Variants in MVB12B observed in about 807,000 individuals in gnomAD.
The protein encoded by MVB12B is ESCRT-I complex subunit MVB12B.
A neutral mutation model predicts 41.6 loss-of-function variants in MVB12B; 16 were observed. The ratio of observed to expected loss-of-function variants is 0.38; its 90% CI spans 0.26 to 0.58. MVB12B has a LOEUF of 0.58. Among genes scored for constraint, MVB12B ranks in the 20% least tolerant of loss-of-function variants. The probability of loss-of-function intolerance (pLI) is 0.62; values close to 1 mark genes in which losing one functional copy is unlikely to be tolerated. For synonymous variants in MVB12B, 133 were observed against 139.7 expected (o/e 0.95, Z 0.34); for missense variants, 274 against 380.2 (o/e 0.72, Z 2.32).
intron 2 of MVB12B, among the ~76,000 whole-genome samples, chr9:126,343,873 C>T (rs925196173): frequency 3.3e-5 from 5 of 152,150 alleles, no homozygotes; most frequent in Non-Finnish European, 4.4e-5. Flanking sequence ...GCCGAGACTG[C>T]GCCACTGCGC....
chr9:126,340,330 G>A lies in MVB12B; in HGVS notation c.82-178G>A, dbSNP rs1829407831. Among the ~76,000 whole-genome samples the A allele has an allele frequency of 6.6e-6, 1 of 152,184 alleles. No individual in the cohort carries two copies. The highest frequency in any genetic ancestry group is 1.5e-5 in the Non-Finnish European group (1 of 68,042). ...AACCTGAGAAGAGTGGGAAACAGAG[G>A]TGATTTGAATTCTTGACCTGGGGAA... On this transcript the variant is annotated intron_variant, in intron 1 of 9. Coordinates refer to ENST00000361171, the MANE Select transcript of MVB12B (RefSeq NM_033446.3). This position sits in a 1 kb window ranked among gnomAD's most constrained non-coding sequence, Gnocchi z 4.0.
rs933126065 is a variant in MVB12B at position 126,333,376 on chromosome 9, C to T, written c.81+6366C>T. ...CTGGGATTACAGGCGTGAGCCACTG[C>T]GCCTGGCCATGACCCTGGTTTTATT... On this transcript the variant is annotated intron_variant, in intron 1 of 9. Coordinates refer to ENST00000361171, the MANE Select transcript of MVB12B (RefSeq NM_033446.3). The surrounding 1 kb of genome is among the most constrained non-coding windows in gnomAD (Gnocchi z 4.7). 6.8e-6 allele frequency among the ~76,000 whole-genome samples: 1 copy of T among 147,150 alleles called. No homozygotes were observed. Among genetic ancestry groups the T allele is most frequent in the Non-Finnish European group, 1.5e-5 (1 of 66,762 alleles).
chr9:126,348,898 T>C (rs1829670020), intron 2 of MVB12B, among the ~76,000 whole-genome samples: 1 of 152,112 alleles, frequency 6.6e-6, no homozygotes, highest in South Asian at 2.1e-4. Flanking sequence ...ATACAGAACA[T>C]TTCTGTTTTA....
At chr9:126,351,407 C>T (rs1290446432) in intron 2 of MVB12B, among the ~76,000 whole-genome samples, 2 of 151,260 alleles carry the variant, frequency 1.3e-5, no homozygotes, top group East Asian at 3.9e-4. Flanking sequence ...GAACATCTAG[C>T]ACTATGTTAC....
At chr9:126,421,788 C>T in intron 6 of MVB12B, 66 bp from the exon 7 acceptor site, 1 of 1,230,372 alleles carries the variant, frequency 8.1e-7, no homozygotes, top group Non-Finnish European at 1.2e-6. Flanking sequence ...TTGATGGCGT[C>T]AGTGCTTCCT....
chr9:126,344,717 T>G (rs1041721754), intron 2 of MVB12B, among the ~76,000 whole-genome samples: 2 of 152,244 alleles, frequency 1.3e-5, no homozygotes, highest in African/African-American at 4.8e-5. Context: ...GAGTAGTTTA[T>G]AAAGAGCAGG....
rs1199871335 is a variant in MVB12B at position 126,326,891 on chromosome 9, C to T, written c.-39C>T. 4.4e-5 allele frequency: 8 copies of T among 181,896 alleles called. No homozygotes were observed. The highest frequency in any genetic ancestry group is 2.2e-5 in the Non-Finnish European group (2 of 91,362). The allele number at this position is 181,896 out of a possible 1,614,324, so 11.3% of individuals were successfully genotyped here. On this transcript the variant is annotated 5_prime_UTR_variant, in exon 1 of 10. Transcript: ENST00000361171. ...GAGCTGCGGCGCCGGCTCCTGCCGC[C>T]TGGGCCCCGGGCCCGGCCCCTCCCG...
intron 9 of MVB12B, among the ~76,000 whole-genome samples, chr9:126,501,514 G>A (rs1833956468): frequency 1.3e-5 from 2 of 152,366 alleles, no homozygotes; most frequent in African/African-American, 2.4e-5. Context: ...CTCAGCCCCA[G>A]CTGAGACTCG....
At chr9:126,434,093 T>C (rs1832404245) in intron 7 of MVB12B, among the ~76,000 whole-genome samples, 1 of 152,196 alleles carries the variant, frequency 6.6e-6, no homozygotes, top group South Asian at 2.1e-4. Flanking sequence ...GAAATTCCGA[T>C]CTTTTTTAGA....
At chr9:126,494,512 A>G (rs1211707802) in intron 9 of MVB12B, among the ~76,000 whole-genome samples, 1 of 152,234 alleles carries the variant, frequency 6.6e-6, no homozygotes, top group Non-Finnish European at 1.5e-5. Context: ...ATTGAAGTCA[A>G]GGTGAACATC....
At chr9:126,494,972 A>G (rs758968) in intron 9 of MVB12B, among the ~76,000 whole-genome samples, 39,758 of 151,608 alleles carry the variant, frequency 0.26, 6,398 homozygotes, top group African/African-American at 0.46. Context: ...TGGGTGGATC[A>G]CTGGAGCCCA....
intron 2 of MVB12B, among the ~76,000 whole-genome samples, chr9:126,371,395 C>T (rs897618638): frequency 1.3e-5 from 2 of 152,206 alleles, no homozygotes; most frequent in African/African-American, 2.4e-5. Flanking sequence ...GTCTCGTGGG[C>T]CCCCCACGGA....
In MVB12B at chr9:126,386,223, C is replaced by A. The variant is rs1251836523; in HGVS notation, c.313-339C>A. 6.6e-6 allele frequency among the ~76,000 whole-genome samples: 1 copy of A among 152,202 alleles called. No individual in the cohort carries two copies. The highest frequency in any genetic ancestry group is 1.5e-5 in the Non-Finnish European group (1 of 68,038). On this transcript the variant is annotated intron_variant, in intron 3 of 9. Transcript: ENST00000361171. The surrounding 1 kb of genome is among the most constrained non-coding windows in gnomAD (Gnocchi z 4.3). ...TCCTAAAACCTCCTGGCCTTGAGATCTGATGCTCAGGGCTGAATGGCAGCC... is the reference window on the plus strand; with the variant it reads ...TCCTAAAACCTCCTGGCCTTGAGATATGATGCTCAGGGCTGAATGGCAGCC...
intron 5 of MVB12B, among the ~76,000 whole-genome samples, chr9:126,394,909 C>T (rs939228030): frequency 2.0e-5 from 3 of 152,136 alleles, no homozygotes; most frequent in African/African-American, 7.2e-5. Context: ...TTCCTAGGAG[C>T]GTGGCTGTCT....
chr9:126,500,635 C>A (rs1006062807), intron 9 of MVB12B, among the ~76,000 whole-genome samples: 7 of 152,252 alleles, frequency 4.6e-5, no homozygotes, highest in African/African-American at 1.7e-4. Context: ...GACTGGTGTG[C>A]GTTCAGAGTT....
rs976675005 is a variant in MVB12B, at chr9:126,391,612, T to A, written c.410-454T>A. 1.3e-5 allele frequency among the ~76,000 whole-genome samples: 2 copies of A among 152,322 alleles called. 1 individual carries two copies. The highest frequency in any genetic ancestry group is 4.1e-4 in the South Asian group (2 of 4,826). On this transcript the variant is annotated intron_variant, in intron 4 of 9. Coordinates refer to ENST00000361171, the MANE Select transcript of MVB12B (RefSeq NM_033446.3). The surrounding 1 kb of genome is among the most constrained non-coding windows in gnomAD (Gnocchi z 4.4). ...GGTGGGAGGAGAGGAAACCAGCTTG[T>A]CCATTGTGCACAGCATTGACACTGG...
intron 9 of MVB12B, among the ~76,000 whole-genome samples, chr9:126,500,390 C>T (rs1433900861): frequency 6.6e-6 from 1 of 152,200 alleles, no homozygotes; most frequent in Admixed American, 6.5e-5. Context: ...ACCCCCTCCC[C>T]CAACCAGTCC....
In MVB12B at chr9:126,441,174, C is replaced by T. The variant is rs76853586; in HGVS notation, c.757+19226C>T. On this transcript the variant is annotated intron_variant, in intron 7 of 9. Coordinates refer to ENST00000361171, the MANE Select transcript of MVB12B (RefSeq NM_033446.3). ...GCTATCCCTTTTTCCTCTGTATTTA[C>T]TCACAAAACCCTCTCACTCATTCCC... Among the ~76,000 whole-genome samples the T allele has an allele frequency of 1.7e-3, 258 of 152,354 alleles. 4 individuals carry two copies. In the East Asian group the frequency reaches 0.044, roughly 26 times the overall value.
chr9:126,361,731 A>G (rs1830034415), intron 2 of MVB12B, among the ~76,000 whole-genome samples: 1 of 152,064 alleles, frequency 6.6e-6, no homozygotes, highest in Non-Finnish European at 1.5e-5. Context: ...ATTTTCTTTC[A>G]GTACTTTAAA....
Sources: allele counts gnomAD v4.1 joint callset (sites outside exome capture counted in the v4.1 genomes callset), GRCh38; gene constraint gnomAD v4.1.1; non-coding constraint Gnocchi (gnomAD v3.1); transcripts MANE v1.5; gene names NCBI Gene and HGNC (gene_info 2026-07-23, HGNC 2026-07-21).